The following TTC14 variants were observed in gnomAD, a reference collection of about 807,000 sequenced individuals.
TTC14 encodes tetratricopeptide repeat domain 14.
TTC14 carries 63 observed loss-of-function variants against 79.9 expected under a neutral mutation model. That is an observed-to-expected ratio of 0.79 (90% CI 0.64 to 0.97). TTC14 has a LOEUF of 0.97. TTC14 is among the 50% of genes least tolerant of loss of function. The pLI, the probability that TTC14 is intolerant of heterozygous loss-of-function variation, is 0.00. For missense variants in TTC14, 895 were observed against 894.0 expected, an observed-to-expected ratio of 1.00 and a Z score of -0.01; for synonymous variants, 335 against 309.6, an observed-to-expected ratio of 1.08 and a Z score of -0.86.
chr3:180,606,334 C>T lies in TTC14; in HGVS notation c.1011C>T (p.Asp337=), dbSNP rs533706235. 1 of 1,613,982 alleles carries T rather than the reference C, an allele frequency of 6.2e-7. No individual in the cohort carries two copies. The highest frequency in any genetic ancestry group is 8.5e-7 in the Non-Finnish European group (1 of 1,179,930). The change falls in exon 8 of 12, where the codon GAC becomes GAT. Residue 337 remains aspartate, a synonymous_variant. Transcript: ENST00000296015. ...AATACAATAAAGCTTTGGAAATAGA[C>T]AAACAAAACGTGGAAGCTTTGGTAG... ...MNEYNKALEI[D]KQNVEALVAR... is the part of the protein sequence containing the mutation.
rs147429965 is a variant in TTC14 at position 180,610,835 on chromosome 3, A to T, written c.*293A>T. The T allele has an allele frequency of 9.9e-7, 1 of 1,006,114 alleles. No individual in the cohort carries two copies. The highest frequency in any genetic ancestry group is 1.7e-5 in the African/African-American group (1 of 57,822). The allele number at this position is 1,006,114 out of a possible 1,614,324, so 62.3% of individuals were successfully genotyped here. On this transcript the variant is annotated 3_prime_UTR_variant, in exon 12 of 12. Coordinates refer to ENST00000296015, the MANE Select transcript of TTC14 (RefSeq NM_133462.4). Reference sequence around the variant, plus strand: ...TCTGAAAGTACTGTTTCTTCATTCTATTGCGGTATATGAGAATTCCTGGGT... The same window carrying T: ...TCTGAAAGTACTGTTTCTTCATTCTTTTGCGGTATATGAGAATTCCTGGGT...
chr3:180,605,874 A>G (rs777586841), intron 7 of TTC14, 37 bp downstream of exon 7: 1 of 1,562,084 alleles, frequency 6.4e-7, no homozygotes. Context: ...CATTATATCT[A>G]GTCTAAAAGC....
intron 12 of TTC14, chr3:180,616,258 T>A: frequency 6.7e-7 from 1 of 1,494,258 alleles, no homozygotes; most frequent in South Asian, 1.2e-5. Flanking sequence ...GTTAAGCAGA[T>A]TTTTTTTTAA....
Position 180,602,378 on chromosome 3 carries a change from C to G in TTC14, c.117C>G (p.Ala39=), listed in dbSNP as rs1235828865. 3 of 1,610,524 alleles carry G rather than the reference C, an allele frequency of 1.9e-6. No individual in the cohort carries two copies. The highest frequency in any genetic ancestry group is 1.7e-6 in the Non-Finnish European group (2 of 1,179,510). The part of the protein sequence containing the change: ...PHFRSLLGSA[A]EPARGPPPQH... ...TCCGTAGCCTCCTGGGGTCGGCCGC[C>G]GAGCCAGCCCGGGGCCCGCCGCCCC... Residue 39 remains alanine (A), a synonymous_variant, in exon 1 of 12, where the codon GCC becomes GCG. Transcript: ENST00000296015.
rs1717255332 is a variant in TTC14 at position 180,616,642 on chromosome 3, T to G, written c.1775-738T>G. The G allele has an allele frequency of 6.3e-7, 1 of 1,594,528 alleles. No homozygotes were observed. Among genetic ancestry groups the G allele is most frequent in the Non-Finnish European group, 8.6e-7 (1 of 1,169,042 alleles). Reference sequence around the variant, plus strand: ...GAAGTTTGATGTCTTGTTCTTCCATTGTTTCATCTTTTGTGTCTTTCAAAA... The same window carrying G: ...GAAGTTTGATGTCTTGTTCTTCCATGGTTTCATCTTTTGTGTCTTTCAAAA... On this transcript the variant is annotated intron_variant, in intron 12 of 12. Coordinates refer to the TTC14 transcript ENST00000382584.
intron 5 of TTC14, 114 bp from the exon 6 acceptor site, chr3:180,604,738 C>G: frequency 2.1e-6 from 3 of 1,399,894 alleles, no homozygotes; most frequent in Non-Finnish European, 2.9e-6. Context: ...ATTGCCACAC[C>G]ATCTTATGCA....
At chr3:180,602,487 A>C in intron 1 of TTC14, 65 bp downstream of exon 1, 4 of 1,504,640 alleles carry the variant, frequency 2.7e-6, no homozygotes, top group Non-Finnish European at 3.5e-6. Flanking sequence ...CCACTACCGC[A>C]GCCCCGGGTT....
Position 180,610,567 on chromosome 3 carries a change from A to T in TTC14, c.*25A>T. On this transcript the variant is annotated 3_prime_UTR_variant, in exon 12 of 12. Transcript: ENST00000296015. ...ATACACCAAGGATATCGGCACCATT[A>T]CACAAAATGCCATTAAGTGAAGTTT... is the stretch of plus-strand genomic sequence containing the variant. 1 of 1,531,062 alleles carries T rather than the reference A, an allele frequency of 6.5e-7. No homozygotes were observed. Among genetic ancestry groups the T allele is most frequent in the Non-Finnish European group, 8.7e-7 (1 of 1,147,350 alleles). 94.8% of individuals were successfully genotyped at this position (1,531,062 alleles called of 1,614,324 possible).
downstream of TTC14, among the ~76,000 whole-genome samples, chr3:180,613,146 C>T (rs570616593): frequency 1.3e-5 from 2 of 152,112 alleles, no homozygotes; most frequent in Non-Finnish European, 2.9e-5. Context: ...CAGTTTATGC[C>T]ATATTAAGCA....
Position 180,602,412 on chromosome 3 carries a change from T to C in TTC14, c.151T>C (p.Leu51=). The C allele has an allele frequency of 1.9e-6, 3 of 1,605,146 alleles. No individual in the cohort carries two copies. The highest frequency in any genetic ancestry group is 2.5e-6 in the Non-Finnish European group (3 of 1,178,680). ...CCGGGGCCCGCCGCCCCAGCACCCG[T>C]TGCAGGGCAGGTAATGAGACGTTGG... ...PARGPPPQHP[L]QGRKEKRVDN... The change falls in exon 1 of 12, where the codon TTG becomes CTG. Residue 51 remains leucine, a synonymous_variant. Coordinates refer to ENST00000296015, the MANE Select transcript of TTC14 (RefSeq NM_133462.4).
Position 180,610,907 on chromosome 3 carries a change from T to G in TTC14, c.*365T>G. On this transcript the variant is annotated 3_prime_UTR_variant, in exon 12 of 12. Transcript: ENST00000296015. ...GAGAAAAATTTGTGCATTGAACACT[T>G]GGATCATTTTTATAAAAATTAATTT... 1.0e-6 allele frequency: 1 copy of G among 985,580 alleles called. No individual in the cohort carries two copies. Among genetic ancestry groups the G allele is most frequent in the Non-Finnish European group, 1.2e-6 (1 of 829,730 alleles). 61.1% of individuals were successfully genotyped at this position (985,580 alleles called of 1,614,324 possible).
chr3:180,611,239 TA>T, downstream of TTC14: 1 of 870,684 alleles, frequency 1.1e-6, no homozygotes, highest in Non-Finnish European at 1.4e-6. Context: ...AGCATAGCCA[TA>T]AAAAGCTTTT....
chr3:180,607,940 G>A, intron 10 of TTC14, 175 bp downstream of exon 10: 1 of 1,361,574 alleles, frequency 7.3e-7, no homozygotes. Flanking sequence ...CTCTGTTTTT[G>A]TCCATAATCG....
intron 12 of TTC14, chr3:180,616,142 T>G: frequency 4.4e-5 from 31 of 702,102 alleles, no homozygotes; most frequent in Non-Finnish European, 6.2e-5. Flanking sequence ...TGCTGACTAG[T>G]GAGATGTCTG....
chr3:180,609,561 G>A, intron 11 of TTC14, 69 bp from the exon 12 acceptor site: 1 of 1,406,110 alleles, frequency 7.1e-7, no homozygotes, highest in Non-Finnish European at 9.3e-7. Flanking sequence ...AAACAAATAG[G>A]GCCCACATCT....
downstream of TTC14, chr3:180,617,835 G>A (rs1476977866): frequency 1.0e-5 from 2 of 192,342 alleles, no homozygotes; most frequent in African/African-American, 2.3e-5. Flanking sequence ...CTGTAGCCTA[G>A]GTGTACATTA....
At chr3:180,612,325 C>T (rs1040836147), downstream of TTC14, among the ~76,000 whole-genome samples, 2 of 152,034 alleles carry the variant, frequency 1.3e-5, no homozygotes, top group African/African-American at 4.8e-5. Flanking sequence ...TTACATGGAT[C>T]TATCGTGTAG....
chr3:180,602,664 C>G, intron 1 of TTC14: 1 of 705,798 alleles, frequency 1.4e-6, no homozygotes, highest in Non-Finnish European at 2.3e-6. Context: ...GCTAAAAATC[C>G]CTTGAGCTTT....
In TTC14 at chr3:180,603,255, G is replaced by T. The variant is rs758734669; in HGVS notation, c.418G>T (p.Gly140Cys). 10 of 1,613,994 alleles carry T rather than the reference G, an allele frequency of 6.2e-6. No individual in the cohort carries two copies. Among genetic ancestry groups the T allele is most frequent in the Non-Finnish European group, 7.6e-6 (9 of 1,179,992 alleles). ...AAGAATTAGTTCTATTCGGGAATTC[G>T]GTTTTTTCATGGTGTTGATCTGTTT... ...IGRISSIREF[G>C]FFMVLICLGS... The change falls in exon 3 of 12, where the codon GGT becomes TGT. Residue 140 changes from glycine (G) to cysteine (C), a missense_variant. Coordinates refer to ENST00000296015, the MANE Select transcript of TTC14 (RefSeq NM_133462.4).
Sources: allele counts gnomAD v4.1 joint callset (sites outside exome capture counted in the v4.1 genomes callset), GRCh38; gene constraint gnomAD v4.1.1; transcripts MANE v1.5; gene names NCBI Gene and HGNC (gene_info 2026-07-23, HGNC 2026-07-21).